The following NAV3 variants were observed in gnomAD, a reference collection of about 807,000 sequenced individuals.
NAV3 encodes the protein pore membrane and/or filament interacting like protein 1.
A neutral mutation model predicts 244.7 loss-of-function variants in NAV3; 87 were observed. That is an observed-to-expected ratio of 0.36 (90% CI 0.30 to 0.42). The LOEUF is 0.42. Ranked by LOEUF, NAV3 falls within the 20% of genes least tolerant of loss-of-function variation. The pLI is 1.00. For missense variants in NAV3, 2,663 were observed against 2,893.3 expected (o/e 0.92, Z 1.83); for synonymous variants, 1,126 against 1,042.2 (o/e 1.08, Z -1.55).
chr12:77,785,635 A>C (rs1870871008), intron 2 of NAV3, among the ~76,000 whole-genome samples: 1 of 152,194 alleles, frequency 6.6e-6, no homozygotes, highest in Non-Finnish European at 1.5e-5. Flanking sequence ...GAGAACAAAC[A>C]AGAACATTGC....
chr12:77,657,472 A>T (rs1374276699), intron 2 of NAV3, among the ~76,000 whole-genome samples: 1 of 152,224 alleles, frequency 6.6e-6, no homozygotes, highest in African/African-American at 2.4e-5. Context: ...TCAATAGCTT[A>T]CCCACCAAAA....
chr12:78,185,920 A>G (rs1593959239), intron 31 of NAV3, among the ~76,000 whole-genome samples: 1 of 151,986 alleles, frequency 6.6e-6, no homozygotes, highest in South Asian at 2.1e-4. Context: ...CACTGAAAAT[A>G]ATATTAACAG....
chr12:77,947,419 T>TC (rs1890459423), intron 3 of NAV3: 1 of 151,778 alleles, frequency 6.6e-6, no homozygotes, highest in Non-Finnish European at 1.5e-5. Context: ...GATTTTTTTT[T>TC]TTTTTTAGGT....
intron 13 of NAV3, 51 bp downstream of exon 13, chr12:78,116,955 A>C (rs1955413069): frequency 1.3e-6 from 2 of 1,595,692 alleles, no homozygotes; most frequent in South Asian, 1.1e-5. Context: ...CTTTTTCCCC[A>C]AAATTACTTA....
At chr12:77,748,135 C>T (rs1868653587) in intron 2 of NAV3, among the ~76,000 whole-genome samples, 1 of 152,182 alleles carries the variant, frequency 6.6e-6, no homozygotes, top group African/African-American at 2.4e-5. Flanking sequence ...ATATGTGCTT[C>T]ATTTTGATAT....
intron 2 of NAV3, among the ~76,000 whole-genome samples, chr12:77,685,495 AC>A (rs1413776998): frequency 6.6e-6 from 1 of 151,240 alleles, no homozygotes; most frequent in Non-Finnish European, 1.5e-5. Flanking sequence ...ACACACACAC[AC>A]ACACACACAC....
chr12:77,917,933 T>C (rs1373365879), intron 1 of NAV3, among the ~76,000 whole-genome samples: 1 of 152,054 alleles, frequency 6.6e-6, no homozygotes, highest in Admixed American at 6.6e-5. Context: ...ATCCTTATAA[T>C]TGATAACTTC....
intron 2 of NAV3, among the ~76,000 whole-genome samples, chr12:77,612,205 C>A (rs1388612393): frequency 6.6e-6 from 1 of 152,010 alleles, no homozygotes; most frequent in Non-Finnish European, 1.5e-5. Context: ...ATACACTGTA[C>A]TATGTGACTT....
At position 78,177,135 on chromosome 12, in the gene NAV3, T is replaced by C; in HGVS notation, c.5125-6T>C. 6.2e-7 allele frequency: 1 copy of C among 1,613,248 alleles called. No homozygotes were observed. Among genetic ancestry groups the C allele is most frequent in the Non-Finnish European group, 8.5e-7 (1 of 1,179,492 alleles). ...ACAAGAAGGGTAATTTCTGTCCTTG[T>C]TTCAGCTGAGAAGTTCTTTCAAACA... On this transcript the variant is annotated splice_polypyrimidine_tract_variant and splice_region_variant and intron_variant, in intron 26 of 39. Transcript: ENST00000397909.
At chr12:77,894,397 T>C (rs1448255074) in intron 1 of NAV3, among the ~76,000 whole-genome samples, 2 of 152,126 alleles carry the variant, frequency 1.3e-5, no homozygotes, top group African/African-American at 4.8e-5. Flanking sequence ...TTTAATAATT[T>C]AGATTTGCAA....
At chr12:77,656,817 C>T (rs1296183928) in intron 2 of NAV3, among the ~76,000 whole-genome samples, 2 of 151,904 alleles carry the variant, frequency 1.3e-5, no homozygotes, top group East Asian at 3.9e-4. Flanking sequence ...CTCAAAACCG[C>T]TCAACTACAT....
intron 2 of NAV3, among the ~76,000 whole-genome samples, chr12:77,633,254 AT>A (rs1329618696): frequency 6.6e-6 from 1 of 152,082 alleles, no homozygotes; most frequent in East Asian, 1.9e-4. Context: ...ATTTGACTAT[AT>A]TTTTCACTTA....
At chr12:77,892,671 T>C (rs550315376) in intron 1 of NAV3, among the ~76,000 whole-genome samples, 2 of 152,274 alleles carry the variant, frequency 1.3e-5, no homozygotes, top group South Asian at 4.1e-4. Flanking sequence ...CACCTTGGCC[T>C]CTCAACGTGC....
intron 36 of NAV3, chr12:78,199,005 C>T: frequency 2.0e-6 from 1 of 505,538 alleles, no homozygotes; most frequent in Non-Finnish European, 3.7e-6. Context: ...AGAGCATATT[C>T]CTTCTAAGTG....
chr12:78,085,872 A>G (rs1433974679), intron 12 of NAV3, among the ~76,000 whole-genome samples: 1 of 152,118 alleles, frequency 6.6e-6, no homozygotes, highest in African/African-American at 2.4e-5. Flanking sequence ...GCATCTTGAT[A>G]ATAATGCCAA....
intron 1 of NAV3, among the ~76,000 whole-genome samples, chr12:77,915,828 T>C (rs1489432194): frequency 1.3e-5 from 2 of 152,030 alleles, no homozygotes; most frequent in African/African-American, 2.4e-5. Flanking sequence ...TCAATGTTTA[T>C]TGATCATTTC....
chr12:78,085,252 T>A (rs1360914135), intron 12 of NAV3, among the ~76,000 whole-genome samples: 1 of 152,140 alleles, frequency 6.6e-6, no homozygotes, highest in Non-Finnish European at 1.5e-5. Context: ...GTGAATTACC[T>A]GCTGTGGCTT....
rs148376600 is a variant in NAV3, at chr12:77,585,458, T to A, written c.72+13192T>A. 5.3e-5 allele frequency among the ~76,000 whole-genome samples: 8 copies of A among 150,364 alleles called. No individual in the cohort carries two copies. The East Asian group carries it at 1.6e-3, about 29-fold the overall frequency. On this transcript the variant is annotated intron_variant, in intron 2 of 8. Transcript: ENST00000550042. ...TGGTTTCAATAACTCCAAGATAAATTCCCAGAAAATTTCTTGTTAAGAAAG... is the reference window on the plus strand; with the variant it reads ...TGGTTTCAATAACTCCAAGATAAATACCCAGAAAATTTCTTGTTAAGAAAG...
At chr12:77,727,804 T>G (rs1876945657) in intron 2 of NAV3, among the ~76,000 whole-genome samples, 1 of 151,948 alleles carries the variant, frequency 6.6e-6, no homozygotes, top group Non-Finnish European at 1.5e-5. Flanking sequence ...GTTAGGAAAT[T>G]GTGCTAGAAT....
Sources: allele counts gnomAD v4.1 joint callset (sites outside exome capture counted in the v4.1 genomes callset), GRCh38; gene constraint gnomAD v4.1.1; transcripts MANE v1.5; gene names NCBI Gene and HGNC (gene_info 2026-07-23, HGNC 2026-07-21).